GABRA3: variants seen among roughly 807,000 people sequenced by gnomAD.
GABRA3 encodes gamma-aminobutyric acid receptor subunit alpha-3.
GABRA3 carries 10 observed loss-of-function variants against 30.1 expected under a neutral mutation model. That is an observed-to-expected ratio of 0.33 (90% CI 0.20 to 0.56). The LOEUF is 0.56. GABRA3 is among the 20% of genes least tolerant of loss of function. The pLI, the probability that GABRA3 is intolerant of heterozygous loss-of-function variation, is 0.89. For missense variants in GABRA3, 233 were observed against 392.0 expected, an observed-to-expected ratio of 0.59 and a Z score of 3.42; for synonymous variants, 151 against 146.8, an observed-to-expected ratio of 1.03 and a Z score of -0.21.
At chrX:152,340,391 TA>T (rs1348469585) in intron 3 of GABRA3, among the ~76,000 whole-genome samples, 2 of 112,396 alleles carry the variant, frequency 1.8e-5, no homozygotes. Flanking sequence ...TGAGAATTTT[TA>T]AATGAGGAAC....
intron 1 of GABRA3, among the ~76,000 whole-genome samples, chrX:152,370,916 A>C (rs1314663222): frequency 1.8e-5 from 2 of 110,994 alleles, no homozygotes; most frequent in Non-Finnish European, 3.8e-5. Flanking sequence ...ATTGCTCATC[A>C]TCATCTTCAC....
chrX:152,409,835 T>A, intron 1 of GABRA3, among the ~76,000 whole-genome samples: 1 of 112,052 alleles, frequency 8.9e-6, no homozygotes, highest in Non-Finnish European at 1.9e-5. Context: ...AGAACTATCG[T>A]ATGACCTAGC....
intron 1 of GABRA3, among the ~76,000 whole-genome samples, chrX:152,390,924 G>C (rs1929466124): frequency 9.0e-6 from 1 of 111,609 alleles, no homozygotes; most frequent in Admixed American, 9.6e-5. Flanking sequence ...TTATATATCA[G>C]TGGTGCTATG....
intron 2 of GABRA3, among the ~76,000 whole-genome samples, chrX:152,350,924 C>A (rs1343724848): frequency 3.6e-5 from 4 of 112,168 alleles, no homozygotes; most frequent in Admixed American, 2.8e-4. Context: ...TCCATCAAAG[C>A]TCTTGGGTGA....
chrX:152,225,838 A>G, intron 5 of GABRA3, among the ~76,000 whole-genome samples: 1 of 110,012 alleles, frequency 9.1e-6, no homozygotes, highest in East Asian at 2.9e-4. Context: ...GTTATATTGG[A>G]CTCAACCTCT....
chrX:152,433,270 T>C (rs1432794388), intron 1 of GABRA3, among the ~76,000 whole-genome samples: 1 of 110,520 alleles, frequency 9.0e-6, no homozygotes, highest in Non-Finnish European at 1.9e-5. Context: ...TAACCAATGT[T>C]TTATTGTGTA....
Position 152,327,733 on chromosome X carries a change from C to A in GABRA3, c.262+17848G>T, listed in dbSNP as rs1940087610. Reference sequence around the variant, plus strand: ...AGAGGGACATTTATAGCACTAAATGCCCACAAGAGAAAGCAGGAAAGATCT... The same window carrying A: ...AGAGGGACATTTATAGCACTAAATGACCACAAGAGAAAGCAGGAAAGATCT... On this transcript the variant is annotated intron_variant, in intron 3 of 9. Transcript: ENST00000370314. Among the ~76,000 whole-genome samples the A allele has an allele frequency of 4.5e-5, 5 of 111,554 alleles. No homozygotes were observed. The South Asian group carries it at 1.9e-3, about 42-fold the overall frequency.
intron 1 of GABRA3, among the ~76,000 whole-genome samples, chrX:152,436,697 T>C (rs1305044297): frequency 9.0e-6 from 1 of 111,385 alleles, no homozygotes; most frequent in Non-Finnish European, 1.9e-5. Flanking sequence ...ATATATTGTA[T>C]ATGCCTGGAA....
chrX:152,389,776 G>A (rs192384635), intron 1 of GABRA3, among the ~76,000 whole-genome samples: 25 of 111,003 alleles, frequency 2.3e-4, no homozygotes, highest in Admixed American at 9.7e-4. Flanking sequence ...CCTCAGTGCC[G>A]GACCTAAAAA....
Position 152,197,724 on chromosome X carries a change from G to T in GABRA3, c.840C>A (p.Ile280=). 8.3e-7 allele frequency: 1 copy of T among 1,209,102 alleles called. No homozygotes were observed. Among genetic ancestry groups the T allele is most frequent in the Non-Finnish European group, 1.1e-6 (1 of 893,208 alleles). ...HLKRKIGYFV[I]QTYLPCIMTV... ...TCATGATACATGGCAAGTAGGTCTGGATCACAAAGTAGCCAATTTTTCGCT... is the reference window on the plus strand; with the variant it reads ...TCATGATACATGGCAAGTAGGTCTGTATCACAAAGTAGCCAATTTTTCGCT... Residue 280 remains isoleucine, a synonymous_variant, in exon 8 of 10, where the codon ATC becomes ATA. Coordinates refer to ENST00000370314, the MANE Select transcript of GABRA3 (RefSeq NM_000808.4).
intron 6 of GABRA3, among the ~76,000 whole-genome samples, chrX:152,222,517 T>G (rs1937861217): frequency 9.2e-6 from 1 of 109,015 alleles, no homozygotes; most frequent in African/African-American, 3.3e-5. Context: ...CTACAAACTC[T>G]GACGTCTAAA....
intron 3 of GABRA3, among the ~76,000 whole-genome samples, chrX:152,330,473 G>A (rs779500094): frequency 1.1e-4 from 12 of 112,037 alleles, no homozygotes; most frequent in Non-Finnish European, 2.3e-4. Flanking sequence ...TGATAGACTG[G>A]ATTAAGAAAA....
At chrX:152,255,528 A>G (rs763143267) in intron 5 of GABRA3, among the ~76,000 whole-genome samples, 1 of 112,196 alleles carries the variant, frequency 8.9e-6, no homozygotes, top group African/African-American at 3.2e-5. Flanking sequence ...ATGCATGCAT[A>G]TACAAATCAT....
chrX:152,272,667 T>C (rs988740620), intron 4 of GABRA3, among the ~76,000 whole-genome samples: 1 of 111,596 alleles, frequency 9.0e-6, no homozygotes, highest in Admixed American at 9.5e-5. Context: ...AATGATATGG[T>C]ATGGCTGTGT....
At chrX:152,418,502 A>T (rs1395513369) in intron 1 of GABRA3, among the ~76,000 whole-genome samples, 1 of 111,762 alleles carries the variant, frequency 8.9e-6, no homozygotes, top group Non-Finnish European at 1.9e-5. Context: ...GCAAATCAAA[A>T]TTTCTGGGAT....
intron 7 of GABRA3, among the ~76,000 whole-genome samples, chrX:152,199,903 C>T (rs1937458285): frequency 9.0e-6 from 1 of 110,914 alleles, no homozygotes; most frequent in Non-Finnish European, 1.9e-5. Context: ...GTTCTTTCTC[C>T]AAAATATTTC....
intron 6 of GABRA3, among the ~76,000 whole-genome samples, chrX:152,215,219 C>T (rs1456686192): frequency 9.2e-6 from 1 of 108,744 alleles, no homozygotes; most frequent in Non-Finnish European, 1.9e-5. Flanking sequence ...GACTGGGTAT[C>T]CTTGCCTTGT....
chrX:152,274,828 C>A (rs1939014014), intron 4 of GABRA3, among the ~76,000 whole-genome samples: 1 of 107,657 alleles, frequency 9.3e-6, no homozygotes, highest in African/African-American at 3.4e-5. Context: ...AAACAGAAAA[C>A]AAAAATAAAT....
At chrX:152,335,195 G>A (rs1940216224) in intron 3 of GABRA3, among the ~76,000 whole-genome samples, 1 of 111,352 alleles carries the variant, frequency 9.0e-6, no homozygotes, top group Non-Finnish European at 1.9e-5. Flanking sequence ...GAGACCTGGG[G>A]CCACTGCCAT....
Sources: gnomAD v4.1 joint callset for allele counts (sites outside exome capture counted in the v4.1 genomes callset) on GRCh38, gnomAD v4.1.1 for gene constraint, MANE v1.5 for transcripts, NCBI Gene and HGNC (gene_info 2026-07-23, HGNC 2026-07-21) for gene names.